GRIK1: variants seen among roughly 807,000 people sequenced by gnomAD.
The protein encoded by GRIK1 is glutamate ionotropic receptor kainate type subunit 1, also known as glutamate receptor ionotropic, kainate 1.
A neutral mutation model predicts 105.7 loss-of-function variants in GRIK1; 69 were observed. The ratio of observed to expected loss-of-function variants is 0.65; its 90% CI spans 0.54 to 0.80. The LOEUF (loss-of-function observed/expected upper bound fraction) is 0.80, where lower values mean the gene tolerates loss of function less well. Ranked by LOEUF, GRIK1 falls within the 30% of genes least tolerant of loss-of-function variation. The pLI is 0.00. For missense variants in GRIK1, 1,109 were observed against 1,167.3 expected (o/e 0.95, Z 0.73); for synonymous variants, 438 against 431.3 (o/e 1.02, Z -0.19).
chr21:29,549,424 T>C (rs1240876389), intron 16 of GRIK1, among the ~76,000 whole-genome samples: 1 of 152,212 alleles, frequency 6.6e-6, no homozygotes, highest in Non-Finnish European at 1.5e-5. Flanking sequence ...TAAGAAGGAA[T>C]CATGTATGTG....
intron 1 of GRIK1, among the ~76,000 whole-genome samples, chr21:29,701,023 T>C (rs966940973): frequency 7.9e-5 from 12 of 152,204 alleles, no homozygotes; most frequent in Admixed American, 7.9e-4. Flanking sequence ...AGAAATGCAA[T>C]AGAATTAAAA....
intron 1 of GRIK1, among the ~76,000 whole-genome samples, chr21:29,793,000 C>T (rs16984993): frequency 0.047 from 7,216 of 152,252 alleles, 220 homozygotes; most frequent in Middle Eastern, 0.078. Context: ...CTATTTTCTA[C>T]TACCCTGTGT....
intron 14 of GRIK1, among the ~76,000 whole-genome samples, chr21:29,563,708 C>A (rs777941109): frequency 6.6e-6 from 1 of 152,170 alleles, no homozygotes; most frequent in African/African-American, 2.4e-5. Flanking sequence ...ATTATTCTTC[C>A]ATCAGGAAAC....
At chr21:29,806,955 C>T (rs2066878713) in intron 1 of GRIK1, among the ~76,000 whole-genome samples, 1 of 152,160 alleles carries the variant, frequency 6.6e-6, no homozygotes. Flanking sequence ...TTTTAATATA[C>T]TGAACTTTAT....
At chr21:29,861,581 A>AACACT in intron 1 of GRIK1, 1 of 353,688 alleles carries the variant, frequency 2.8e-6, no homozygotes, top group South Asian at 2.3e-5. Context: ...GTGTGGGATT[A>AACACT]TAGGTGTGAG....
Position 29,563,037 on chromosome 21 carries a change from A to G in GRIK1, c.2131-1188T>C, listed in dbSNP as rs527566530. On this transcript the variant is annotated intron_variant, in intron 14 of 17. Transcript: ENST00000327783. ...TTTTTTTTAATTTTTCTTCATTTGC[A>G]TCAGCATTCTCCACTTATTTCAGAG... 5.3e-5 allele frequency among the ~76,000 whole-genome samples: 8 copies of G among 151,598 alleles called. No homozygotes were observed. The East Asian group carries it at 1.2e-3, about 22-fold the overall frequency.
intron 7 of GRIK1, among the ~76,000 whole-genome samples, chr21:29,621,791 C>T (rs1239895485): frequency 2.6e-5 from 4 of 152,130 alleles, no homozygotes; most frequent in Non-Finnish European, 5.9e-5. Flanking sequence ...TAGTGCCCCA[C>T]AGTATAGATA....
At chr21:29,711,188 G>A (rs908542743) in intron 1 of GRIK1, among the ~76,000 whole-genome samples, 2 of 151,878 alleles carry the variant, frequency 1.3e-5, no homozygotes, top group Non-Finnish European at 2.9e-5. Flanking sequence ...ATCATATAAC[G>A]ATTATTTTGG....
chr21:29,889,510 TC>T (rs2069813288), intron 1 of GRIK1, among the ~76,000 whole-genome samples: 2 of 152,024 alleles, frequency 1.3e-5, no homozygotes, highest in African/African-American at 4.8e-5. Flanking sequence ...TTTTTTTTTC[TC>T]CTCCACCTCT....
intron 1 of GRIK1, among the ~76,000 whole-genome samples, chr21:29,711,512 C>T (rs556477677): frequency 6.6e-6 from 1 of 152,004 alleles, no homozygotes; most frequent in African/African-American, 2.4e-5. Context: ...TAACCCCTTC[C>T]CTTACAATAG....
chr21:29,628,663 T>A (rs1447820767), intron 7 of GRIK1, among the ~76,000 whole-genome samples: 2 of 152,200 alleles, frequency 1.3e-5, no homozygotes, highest in African/African-American at 4.8e-5. Context: ...GCAAATCAAC[T>A]AAATGGGCAG....
At chr21:29,910,883 T>C (rs1293118537) in intron 1 of GRIK1, among the ~76,000 whole-genome samples, 2 of 152,140 alleles carry the variant, frequency 1.3e-5, no homozygotes, top group Non-Finnish European at 2.9e-5. Context: ...ATTGATTTTT[T>C]TTTTTACAAG....
At chr21:29,647,399 C>T (rs1184073871) in intron 6 of GRIK1, among the ~76,000 whole-genome samples, 1 of 152,154 alleles carries the variant, frequency 6.6e-6, no homozygotes, top group Non-Finnish European at 1.5e-5. Context: ...GCTTTCTGTA[C>T]TGAATCCAGC....
chr21:29,555,381 G>A, intron 15 of GRIK1, 79 bp from the exon 16 acceptor site: 1 of 1,333,010 alleles, frequency 7.5e-7, no homozygotes. Flanking sequence ...TATCATCTTT[G>A]TCATAACTAT....
intron 1 of GRIK1, among the ~76,000 whole-genome samples, chr21:29,902,311 A>C (rs1444889577): frequency 2.0e-5 from 3 of 152,232 alleles, no homozygotes; most frequent in African/African-American, 7.2e-5. Context: ...ATCAGGCAAG[A>C]GAAAGCAATA....
intron 1 of GRIK1, among the ~76,000 whole-genome samples, chr21:29,839,040 A>ATTTCATTTCT (rs71335099): frequency 6.6e-6 from 1 of 150,512 alleles, no homozygotes; most frequent in Non-Finnish European, 1.5e-5. Flanking sequence ...TACTATAGGG[A>ATTTCATTTCT]TTTCTTTTCT....
intron 1 of GRIK1, among the ~76,000 whole-genome samples, chr21:29,919,479 C>T (rs142796073): frequency 2.9e-4 from 44 of 152,192 alleles, no homozygotes; most frequent in Middle Eastern, 6.8e-3. Context: ...AATCTCAGGG[C>T]GGTTCATAAA....
At chr21:29,809,284 A>T (rs565010028) in intron 1 of GRIK1, among the ~76,000 whole-genome samples, 1 of 152,214 alleles carries the variant, frequency 6.6e-6, no homozygotes, top group Non-Finnish European at 1.5e-5. Flanking sequence ...ATTGCAGTAA[A>T]GCAAGTCATG....
At chr21:29,670,820 G>A (rs553283207) in intron 4 of GRIK1, among the ~76,000 whole-genome samples, 1 of 152,272 alleles carries the variant, frequency 6.6e-6, no homozygotes, top group Non-Finnish European at 1.5e-5. Flanking sequence ...TTATGATAAA[G>A]GATTACTGAT....
Sources: gnomAD v4.1 joint callset for allele counts (sites outside exome capture counted in the v4.1 genomes callset) on GRCh38, gnomAD v4.1.1 for gene constraint, MANE v1.5 for transcripts, NCBI Gene and HGNC (gene_info 2026-07-23, HGNC 2026-07-21) for gene names.